Variants in FAM81B observed in about 807,000 individuals in gnomAD.
The protein encoded by FAM81B is family with sequence similarity 81 member B.
A neutral mutation model predicts 58.7 loss-of-function variants in FAM81B; 60 were observed. The observed-to-expected ratio is 1.02, with a 90% CI of 0.83 to 1.27. The LOEUF is 1.27. Ranked by LOEUF, FAM81B falls within the 50% of genes most tolerant of loss-of-function variation. The pLI, the probability that FAM81B is intolerant of heterozygous loss-of-function variation, is 0.00. For missense variants in FAM81B, 491 were observed against 522.0 expected, an observed-to-expected ratio of 0.94 and a Z score of 0.58; for synonymous variants, 189 against 179.6, an observed-to-expected ratio of 1.05 and a Z score of -0.42.
In FAM81B at chr5:95,414,140, C is replaced by A; in HGVS notation, c.487C>A (p.His163Asn). 6.2e-7 allele frequency: 1 copy of A among 1,614,066 alleles called. No individual in the cohort carries two copies. The highest frequency in any genetic ancestry group is 2.2e-5 in the East Asian group (1 of 44,868). ...ESLARKLLES[H>N]IQTITSIVKK... ...GCTCGCCAGGAAGTTACTGGAAAGC[C>A]ACATCCAGACCATCACCAGCATCGT... is the stretch of plus-strand genomic sequence containing the variant. The change falls in exon 4 of 10, where the codon CAC (histidine) becomes AAC (asparagine). Residue 163 changes from histidine to asparagine, a missense_variant. Physicochemically the swap from His to Asn is moderately conservative, Grantham distance 68 (BLOSUM62 1). Transcript: ENST00000283357.
At chr5:95,429,518 G>T (rs191670943) in intron 6 of FAM81B, among the ~76,000 whole-genome samples, 12 of 152,248 alleles carry the variant, frequency 7.9e-5, no homozygotes, top group Non-Finnish European at 1.6e-4. Context: ...GTTGGTAGGC[G>T]CCAGTTAATC....
chr5:95,391,623 G>C (rs1006254859), intron 1 of FAM81B, 110 bp downstream of exon 1: 12 of 1,258,560 alleles, frequency 9.5e-6, no homozygotes, highest in Non-Finnish European at 1.3e-5. Flanking sequence ...CCCTCAGAAG[G>C]CTTGGGCACA....
At position 95,448,573 on chromosome 5, in the gene FAM81B, T is replaced by C. The variant is rs561125801; in HGVS notation, c.1225+109T>C. 57 of 988,734 alleles carry C rather than the reference T, an allele frequency of 5.8e-5. 1 individual carries two copies. Among genetic ancestry groups the C allele is most frequent in the Non-Finnish European group, 8.4e-5 (57 of 676,000 alleles). The allele number at this position is 988,734 out of a possible 1,614,324, so 61.2% of individuals were successfully genotyped here. A position where few individuals can be genotyped will look rare whatever the true frequency, so the allele number is the denominator to read the frequency against. Reference sequence around the variant, plus strand: ...GGGATCAATCTTGTCATTAGTGACATCGTTATGTATTTATTCCACTTTTCT... The same window carrying C: ...GGGATCAATCTTGTCATTAGTGACACCGTTATGTATTTATTCCACTTTTCT... On this transcript the variant is annotated intron_variant, in intron 9 of 9. Transcript: ENST00000283357.
intron 6 of FAM81B, among the ~76,000 whole-genome samples, chr5:95,429,079 A>G (rs1434099482): frequency 1.3e-5 from 2 of 152,190 alleles, no homozygotes; most frequent in African/African-American, 4.8e-5. Context: ...GGAAGCTATT[A>G]TTATTAAAAG....
At chr5:95,415,191 G>A (rs1233084003) in intron 4 of FAM81B, among the ~76,000 whole-genome samples, 1 of 152,086 alleles carries the variant, frequency 6.6e-6, no homozygotes, top group African/African-American at 2.4e-5. Context: ...GATGAATCTG[G>A]GTTAACAATT....
rs145514102 is a variant in FAM81B, at chr5:95,428,558, T to C, written c.657-45T>C. The C allele has an allele frequency of 1.7e-3, 2,665 of 1,607,062 alleles. 5 individuals carry two copies. Among genetic ancestry groups the C allele is most frequent in the Non-Finnish European group, 1.9e-3 (2,202 of 1,176,192 alleles). ...CAGGTGTCTACTATAGTGTTAAAAATGTTATAAAGGTATTGATCCACACCA... is the reference window on the plus strand; with the variant it reads ...CAGGTGTCTACTATAGTGTTAAAAACGTTATAAAGGTATTGATCCACACCA... On this transcript the variant is annotated intron_variant, in intron 5 of 9. Transcript: ENST00000283357.
chr5:95,391,569 T>G, intron 1 of FAM81B, 56 bp downstream of exon 1: 1 of 1,542,204 alleles, frequency 6.5e-7, no homozygotes, highest in Non-Finnish European at 8.7e-7. Context: ...ATCTTTCTTC[T>G]GTTTCTTATT....
intron 5 of FAM81B, among the ~76,000 whole-genome samples, chr5:95,427,035 C>G (rs1326561475): frequency 6.6e-6 from 1 of 151,062 alleles, no homozygotes; most frequent in East Asian, 1.9e-4. Flanking sequence ...GGCGATAGAG[C>G]AAGACTCCGT....
rs768592679 is a variant in FAM81B, at chr5:95,414,006, T to G, written c.353T>G (p.Leu118Arg). ...NTQRGQLEDR[L>R]NNQARTIAFL... ...CAGAGAGGTCAGCTAGAAGACAGACTGAACAACCAGGCGCGTACCATAGCT... is the reference window on the plus strand; with the variant it reads ...CAGAGAGGTCAGCTAGAAGACAGACGGAACAACCAGGCGCGTACCATAGCT... The change falls in exon 4 of 10, where the codon CTG becomes CGG. Residue 118 changes from leucine (L) to arginine (R), a missense_variant. Coordinates refer to ENST00000283357, the MANE Select transcript of FAM81B (RefSeq NM_152548.3). 8 of 1,613,970 alleles carry G rather than the reference T, an allele frequency of 5.0e-6. No homozygotes were observed. The highest frequency in any genetic ancestry group is 1.6e-4 in the Middle Eastern group (1 of 6,084).
intron 4 of FAM81B, 22 bp from the exon 5 acceptor site, chr5:95,420,262 G>A: frequency 6.2e-7 from 1 of 1,612,610 alleles, no homozygotes; most frequent in Non-Finnish European, 8.5e-7. Context: ...AAATTAATGG[G>A]AAATTTGACT....
intron 4 of FAM81B, among the ~76,000 whole-genome samples, chr5:95,418,118 T>C (rs1023355931): frequency 5.3e-5 from 8 of 152,312 alleles, no homozygotes; most frequent in African/African-American, 1.9e-4. Context: ...GATGAAATTT[T>C]GCACATCCTG....
Position 95,408,646 on chromosome 5 carries a change from C to T in FAM81B, c.294-5301C>T, listed in dbSNP as rs148957889. ...TCCACTGTTGTTAGCTGGGTAAACT[C>T]GGACAAAAGTTATTCAATCTTTCTA... On this transcript the variant is annotated intron_variant, in intron 3 of 9. Coordinates refer to ENST00000283357, the MANE Select transcript of FAM81B (RefSeq NM_152548.3). 3.7e-4 allele frequency among the ~76,000 whole-genome samples: 57 copies of T among 152,234 alleles called. No homozygotes were observed. In the East Asian group the frequency reaches 8.3e-3, roughly 22 times the overall value.
intron 4 of FAM81B, among the ~76,000 whole-genome samples, chr5:95,418,617 G>A (rs944012810): frequency 6.6e-6 from 1 of 152,038 alleles, no homozygotes; most frequent in Non-Finnish European, 1.5e-5. Context: ...TTTATCATAG[G>A]TATGTATGTA....
At chr5:95,448,175 A>C in intron 8 of FAM81B, 94 bp from the exon 9 acceptor site, 6 of 1,221,554 alleles carry the variant, frequency 4.9e-6, no homozygotes, top group Non-Finnish European at 6.8e-6. Flanking sequence ...TTTCATGCTT[A>C]ACATAGAAAA....
chr5:95,441,617 A>G (rs2152769951), intron 7 of FAM81B, among the ~76,000 whole-genome samples: 2 of 152,244 alleles, frequency 1.3e-5, no homozygotes, highest in Middle Eastern at 6.8e-3. Flanking sequence ...ATTAAAAAAA[A>G]AAGGTTAAAT....
chr5:95,396,221 T>C (rs1387422935), intron 3 of FAM81B, 46 bp downstream of exon 3: 3 of 1,433,808 alleles, frequency 2.1e-6, no homozygotes, highest in Admixed American at 2.2e-5. Context: ...ACTGCATTTA[T>C]TGTGACAAAT....
At chr5:95,402,054 A>T (rs1762128367) in intron 3 of FAM81B, among the ~76,000 whole-genome samples, 1 of 152,204 alleles carries the variant, frequency 6.6e-6, no homozygotes, top group East Asian at 1.9e-4. Context: ...CTTTCCTTTC[A>T]TAGTTAAATT....
At chr5:95,420,547 A>G in intron 5 of FAM81B, 145 bp downstream of exon 5, 1 of 1,212,914 alleles carries the variant, frequency 8.2e-7, no homozygotes, top group Non-Finnish European at 1.1e-6. Context: ...AAAGTGTACC[A>G]TAGAACTTTC....
At chr5:95,429,264 C>T (rs925037934) in intron 6 of FAM81B, among the ~76,000 whole-genome samples, 1 of 152,082 alleles carries the variant, frequency 6.6e-6, no homozygotes, top group Non-Finnish European at 1.5e-5. Context: ...GGTAGGTCCC[C>T]ACTCACACCA....
Sources: allele counts gnomAD v4.1 joint callset (sites outside exome capture counted in the v4.1 genomes callset), GRCh38; gene constraint gnomAD v4.1.1; transcripts MANE v1.5; gene names NCBI Gene and HGNC (gene_info 2026-07-23, HGNC 2026-07-21).